Variants in ME3 observed in about 807,000 individuals in gnomAD.
The protein encoded by ME3 is malic enzyme 3.
ME3 carries 48 observed loss-of-function variants against 68.9 expected under a neutral mutation model. That is an observed-to-expected ratio of 0.70 (90% CI 0.55 to 0.89). The LOEUF (loss-of-function observed/expected upper bound fraction) is 0.89, where lower values mean the gene tolerates loss of function less well. Among genes scored for constraint, ME3 ranks in the 40% least tolerant of loss-of-function variants. The pLI, the probability that ME3 is intolerant of heterozygous loss-of-function variation, is 0.00. For synonymous variants in ME3, 320 were observed against 318.8 expected, an observed-to-expected ratio of 1.00 and a Z score of -0.04; for missense variants, 675 against 797.4, an observed-to-expected ratio of 0.85 and a Z score of 1.85.
chr11:86,613,612 TCA>T (rs1942751277), intron 2 of ME3, among the ~76,000 whole-genome samples: 2 of 152,168 alleles, frequency 1.3e-5, no homozygotes, highest in South Asian at 4.1e-4. Flanking sequence ...ATAAGCAACT[TCA>T]GCAAAGTCTC....
intron 5 of ME3, among the ~76,000 whole-genome samples, chr11:86,499,289 G>T (rs1426324483): frequency 6.6e-6 from 1 of 152,176 alleles, no homozygotes; most frequent in African/African-American, 2.4e-5. Flanking sequence ...GACTGTGAAA[G>T]ACCTTGAATG....
chr11:86,622,595 C>A (rs1943415220), intron 2 of ME3: 1 of 152,098 alleles, frequency 6.6e-6, no homozygotes, highest in Non-Finnish European at 1.5e-5. Flanking sequence ...CTCGTTTCTT[C>A]CTGAAAGTTG....
intron 2 of ME3, among the ~76,000 whole-genome samples, chr11:86,650,387 C>CA (rs1295864025): frequency 1.3e-5 from 2 of 152,188 alleles, no homozygotes; most frequent in Non-Finnish European, 2.9e-5. Flanking sequence ...CCATTCAGTA[C>CA]ATACGTATGG....
chr11:86,604,272 G>A (rs1341881580), intron 2 of ME3, among the ~76,000 whole-genome samples: 2 of 151,982 alleles, frequency 1.3e-5, no homozygotes, highest in Admixed American at 6.6e-5. Context: ...AAAGCTGGAG[G>A]GGCAAAATGG....
At chr11:86,648,515 C>A (rs372742016) in intron 2 of ME3, among the ~76,000 whole-genome samples, 9 of 147,120 alleles carry the variant, frequency 6.1e-5, no homozygotes, top group South Asian at 2.1e-4. Context: ...AAAAACCTTT[C>A]AAAAAAAAAA....
intron 1 of ME3, 38 bp downstream of exon 1, chr11:86,672,286 G>C (rs1947007414): frequency 8.1e-6 from 2 of 246,978 alleles, no homozygotes; most frequent in South Asian, 3.1e-4. Context: ...CTAATCCCGC[G>C]TGGTGGCTTG....
chr11:86,506,021 C>T (rs1037946497), intron 5 of ME3, among the ~76,000 whole-genome samples: 3 of 152,180 alleles, frequency 2.0e-5, no homozygotes, highest in East Asian at 1.9e-4. Context: ...AACTAGACTT[C>T]GAGCTCCTTG....
intron 2 of ME3, among the ~76,000 whole-genome samples, chr11:86,572,795 A>G (rs1957875115): frequency 6.6e-6 from 1 of 152,232 alleles, no homozygotes; most frequent in African/African-American, 2.4e-5. Context: ...GTATATACCC[A>G]GTAATGGGAT....
At chr11:86,651,164 G>A (rs11518769) in intron 2 of ME3, among the ~76,000 whole-genome samples, 67,900 of 152,176 alleles carry the variant, frequency 0.45, 16,928 homozygotes, top group Non-Finnish European at 0.57. Context: ...CTCCACTTCT[G>A]GGGGCAGGGC....
In ME3 at chr11:86,451,662, C is replaced by T. The variant is rs115849434; in HGVS notation, c.920-1264G>A. ...GATGATTGCAATGGATTACTCCCATCATGGACAGGAAAGAAATCTGTCCTA... is the reference window on the plus strand; with the variant it reads ...GATGATTGCAATGGATTACTCCCATTATGGACAGGAAAGAAATCTGTCCTA... On this transcript the variant is annotated intron_variant, in intron 8 of 14. Transcript: ENST00000543262. Among the ~76,000 whole-genome samples, 626 of 152,346 alleles carry T rather than the reference C, an allele frequency of 4.1e-3. 6 individuals are homozygous for T. Among genetic ancestry groups the T allele is most frequent in the African/African-American group, 0.015 (609 of 41,576 alleles).
intron 7 of ME3, among the ~76,000 whole-genome samples, chr11:86,478,324 C>CAAAAAAAAAAAAAAAAAAAAAAAGAA (rs1951198752): frequency 1.6e-5 from 1 of 62,914 alleles, no homozygotes; most frequent in Non-Finnish European, 3.0e-5. Flanking sequence ...GCCTAAGGAC[C>CAAAAAAAAAAAAAAAAAAAAAAAGAA]AAAAAAAAAA....
chr11:86,668,008 G>T (rs1344201552), intron 2 of ME3: 1 of 152,026 alleles, frequency 6.6e-6, no homozygotes, highest in East Asian at 1.9e-4. Context: ...AAAAATAGAA[G>T]CTCATGCGTA....
intron 2 of ME3, among the ~76,000 whole-genome samples, chr11:86,647,285 G>A (rs1310856773): frequency 2.6e-5 from 4 of 152,096 alleles, no homozygotes; most frequent in Non-Finnish European, 5.9e-5. Flanking sequence ...AGATCCATCA[G>A]TGTGCTGGCT....
chr11:86,554,410 G>C (rs1161090770), intron 4 of ME3, among the ~76,000 whole-genome samples: 3 of 152,244 alleles, frequency 2.0e-5, no homozygotes, highest in Admixed American at 1.3e-4. Context: ...TTTTGGGTTT[G>C]GTTTCCTTCT....
intron 2 of ME3, among the ~76,000 whole-genome samples, chr11:86,602,333 G>A (rs11234715): frequency 0.15 from 21,879 of 146,054 alleles, 2,017 homozygotes; most frequent in East Asian, 0.35. Flanking sequence ...GAGCCAAATC[G>A]TGAGTCAACT....
At chr11:86,657,973 G>A (rs768314473) in intron 2 of ME3, among the ~76,000 whole-genome samples, 3 of 152,128 alleles carry the variant, frequency 2.0e-5, no homozygotes, top group Non-Finnish European at 2.9e-5. Context: ...GCAGGATAAT[G>A]TAAGATGAAT....
the ME3 span, chr11:86,436,050 A>G: frequency 1.3e-5 from 2 of 152,098 alleles, no homozygotes; most frequent in East Asian, 3.9e-4. Context: ...CACAGCATCC[A>G]CTCTCTTAAA....
intron 4 of ME3, among the ~76,000 whole-genome samples, chr11:86,526,168 C>T (rs558124045): frequency 7.8e-4 from 119 of 152,308 alleles, no homozygotes; most frequent in African/African-American, 2.8e-3. Context: ...TCACTCCCAC[C>T]CTAATACTGC....
chr11:86,649,111 T>C (rs1219873541), intron 2 of ME3, among the ~76,000 whole-genome samples: 1 of 152,220 alleles, frequency 6.6e-6, no homozygotes, highest in African/African-American at 2.4e-5. Flanking sequence ...AAAAAGCTTG[T>C]CAGCCACCAT....
Sources: allele counts gnomAD v4.1 joint callset (sites outside exome capture counted in the v4.1 genomes callset), GRCh38; gene constraint gnomAD v4.1.1; transcripts MANE v1.5; gene names NCBI Gene and HGNC (gene_info 2026-07-23, HGNC 2026-07-21).